The following ZNF469 variants were observed in gnomAD, a reference collection of about 807,000 sequenced individuals.
The protein encoded by ZNF469 is zinc finger protein 469.
A neutral mutation model predicts 1.0 loss-of-function variants in ZNF469; 1 was observed. The ratio of observed to expected loss-of-function variants is 1.00; its 90% CI spans 0.35 to 4.73. ZNF469 has a LOEUF of 4.73. Ranked by LOEUF, ZNF469 falls within the 30% of genes most tolerant of loss-of-function variation. ZNF469 has a pLI of 0.16. For synonymous variants in ZNF469, 2,703 were observed against 2,363.4 expected (o/e 1.14, Z -4.17); for missense variants, 6,100 against 5,356.3 (o/e 1.14, Z -4.33).
chr16:88,156,678 G>T, the ZNF469 span, among the ~76,000 whole-genome samples: 1 of 152,222 alleles, frequency 6.6e-6, no homozygotes, highest in Non-Finnish European at 1.5e-5. Flanking sequence ...GCATCCTACA[G>T]ACCCCTGGAG....
chr16:88,283,480 G>A, the ZNF469 span, among the ~76,000 whole-genome samples: 12 of 152,190 alleles, frequency 7.9e-5, no homozygotes, highest in East Asian at 1.9e-4. Flanking sequence ...AGAGTAAAAC[G>A]TCAACAACTG....
At chr16:88,382,283 T>C (rs913433797), upstream of ZNF469, among the ~76,000 whole-genome samples, 14 of 152,226 alleles carry the variant, frequency 9.2e-5, no homozygotes, top group African/African-American at 3.1e-4. Context: ...TTCCTTGTCT[T>C]CTTCAGGCCT....
chr16:88,273,547 G>T, the ZNF469 span, among the ~76,000 whole-genome samples: 235 of 152,318 alleles, frequency 1.5e-3, 1 homozygote, highest in African/African-American at 5.5e-3. Flanking sequence ...CTCCTGCAAG[G>T]TTGGTGGGAA....
At chr16:88,236,466 G>C in the ZNF469 span, among the ~76,000 whole-genome samples, 1 of 152,242 alleles carries the variant, frequency 6.6e-6, no homozygotes, top group Non-Finnish European at 1.5e-5. Flanking sequence ...ATAAAGAGAC[G>C]TGTCCGACCC....
the ZNF469 span, among the ~76,000 whole-genome samples, chr16:88,160,851 G>A: frequency 6.6e-6 from 1 of 152,166 alleles, no homozygotes; most frequent in South Asian, 2.1e-4. Flanking sequence ...GAAATAAAAA[G>A]GGTTTTAAAG....
At chr16:88,273,173 A>T in the ZNF469 span, among the ~76,000 whole-genome samples, 3 of 152,130 alleles carry the variant, frequency 2.0e-5, no homozygotes, top group Non-Finnish European at 2.9e-5. Context: ...AGATAGATAG[A>T]TGGATGGGTG....
the ZNF469 span, among the ~76,000 whole-genome samples, chr16:88,354,885 C>A: frequency 2.6e-5 from 4 of 152,188 alleles, no homozygotes; most frequent in African/African-American, 9.7e-5. Context: ...GAGCAGGGTG[C>A]TGCAAGGGAG....
intron 1 of ZNF469, among the ~76,000 whole-genome samples, chr16:88,421,649 G>T (rs1458882972): frequency 2.0e-5 from 3 of 152,254 alleles, no homozygotes; most frequent in African/African-American, 7.2e-5. Flanking sequence ...AAGCTGGGCA[G>T]GCAGAGGCAG....
chr16:88,186,741 C>T, the ZNF469 span, among the ~76,000 whole-genome samples: 11 of 152,210 alleles, frequency 7.2e-5, no homozygotes, highest in Non-Finnish European at 1.3e-4. Flanking sequence ...CAAGCCGCTC[C>T]GTGTTGGAAA....
Position 88,431,121 on chromosome 16 carries a change from G to T in ZNF469, c.3651G>T (p.Pro1217=). 1 of 1,550,144 alleles carries T rather than the reference G, an allele frequency of 6.5e-7. No homozygotes were observed. The highest frequency in any genetic ancestry group is 1.2e-5 in the South Asian group (1 of 84,052). Residue 1217 remains proline (P), a synonymous_variant, in exon 3 of 3, where the codon CCG becomes CCT. Coordinates refer to ENST00000565624, the MANE Select transcript of ZNF469 (RefSeq NM_001367624.2). The stretch of plus-strand genomic sequence containing the variant: ...CCGAGACCTCAGAGGAAACCCGCCC[G>T]TCGCTGGACTTTCCCCAGGAGGCCA... ...TNTETSEETR[P]SLDFPQEAKE... is the part of the protein sequence containing the mutation.
chr16:88,261,429 A>G, the ZNF469 span, among the ~76,000 whole-genome samples: 3 of 152,142 alleles, frequency 2.0e-5, no homozygotes, highest in Non-Finnish European at 4.4e-5. The surrounding 1 kb of genome is among the most constrained non-coding windows in gnomAD (Gnocchi z 6.0). Flanking sequence ...ACAGTAGGTC[A>G]TGCCCCCCGC....
At chr16:88,230,322 G>A in the ZNF469 span, among the ~76,000 whole-genome samples, 1 of 152,228 alleles carries the variant, frequency 6.6e-6, no homozygotes, top group South Asian at 2.1e-4. Flanking sequence ...TGCTGAGGCG[G>A]CCTCTGGCCT....
chr16:88,349,199 G>A, the ZNF469 span, among the ~76,000 whole-genome samples: 13 of 152,130 alleles, frequency 8.5e-5, no homozygotes, highest in Non-Finnish European at 1.6e-4. Flanking sequence ...AGCCTTCCCC[G>A]ACGGAGCAGG....
chr16:88,128,561 T>C, the ZNF469 span, among the ~76,000 whole-genome samples: 1 of 152,192 alleles, frequency 6.6e-6, no homozygotes, highest in African/African-American at 2.4e-5. Context: ...TAAGCAAAGG[T>C]GTGGGCACTC....
the ZNF469 span, among the ~76,000 whole-genome samples, chr16:88,216,981 G>A: frequency 6.6e-6 from 1 of 151,544 alleles, no homozygotes; most frequent in African/African-American, 2.4e-5. Flanking sequence ...TTCTTCATCT[G>A]TTCCTCTATT....
the ZNF469 span, among the ~76,000 whole-genome samples, chr16:88,218,521 T>G: frequency 6.6e-6 from 1 of 152,200 alleles, no homozygotes; most frequent in Non-Finnish European, 1.5e-5. Context: ...CTTGCCCACA[T>G]GATTATCTCA....
chr16:88,418,410 C>T (rs771862504), intron 1 of ZNF469, among the ~76,000 whole-genome samples: 2 of 152,000 alleles, frequency 1.3e-5, no homozygotes, highest in African/African-American at 2.4e-5. Context: ...GGTAATGACC[C>T]CCTGAATATT....
the ZNF469 span, among the ~76,000 whole-genome samples, chr16:88,193,066 ATGG>A: frequency 2.8e-4 from 13 of 46,238 alleles, no homozygotes; most frequent in South Asian, 7.5e-4. Context: ...GATGGTGGTG[ATGG>A]TGGTGGTGGT....
At chr16:88,219,800 G>A in the ZNF469 span, among the ~76,000 whole-genome samples, 1 of 152,046 alleles carries the variant, frequency 6.6e-6, no homozygotes, top group African/African-American at 2.4e-5. Flanking sequence ...ACCTGGCCAG[G>A]TCCTTCAGGC....
Sources: gnomAD v4.1 joint callset for allele counts (sites outside exome capture counted in the v4.1 genomes callset) on GRCh38, gnomAD v4.1.1 for gene constraint, Gnocchi (gnomAD v3.1) non-coding constraint, MANE v1.5 for transcripts, NCBI Gene and HGNC (gene_info 2026-07-23, HGNC 2026-07-21) for gene names.